Variants in MAGI2 observed in about 807,000 individuals in gnomAD.
MAGI2 encodes the protein membrane associated guanylate kinase, WW and PDZ domain containing 2, also known as membrane-associated guanylate kinase, WW and PDZ domain-containing protein 2.
In MAGI2, 35 loss-of-function variants were observed where a neutral mutation model predicts 133.3. The observed-to-expected ratio is 0.26, with a 90% confidence interval of 0.20 to 0.35. The LOEUF is 0.35. MAGI2 is among the 10% of genes least tolerant of loss of function. MAGI2 has a pLI of 1.00. For synonymous variants in MAGI2, 729 were observed against 710.6 expected, an observed-to-expected ratio of 1.03 and a Z score of -0.41; for missense variants, 1,636 against 1,863.4, an observed-to-expected ratio of 0.88 and a Z score of 2.25.
At chr7:78,104,404 A>G (rs995445840) in intron 20 of MAGI2, among the ~76,000 whole-genome samples, 3 of 151,798 alleles carry the variant, frequency 2.0e-5, no homozygotes, top group Non-Finnish European at 4.4e-5. Context: ...TTGTATTTTT[A>G]GTAGAGATGG....
intron 21 of MAGI2, among the ~76,000 whole-genome samples, chr7:78,053,994 A>G (rs531983257): frequency 6.6e-6 from 1 of 152,266 alleles, no homozygotes; most frequent in Admixed American, 6.5e-5. Context: ...GCTGGATCCA[A>G]TACCACTTTC....
At chr7:79,015,191 A>G (rs1808561977) in intron 1 of MAGI2, among the ~76,000 whole-genome samples, 1 of 152,106 alleles carries the variant, frequency 6.6e-6, no homozygotes. Flanking sequence ...ACGGTGGCTC[A>G]TGCTTGTAAT....
chr7:78,829,784 AT>A (rs1276126944), intron 2 of MAGI2, among the ~76,000 whole-genome samples: 1 of 152,082 alleles, frequency 6.6e-6, no homozygotes, highest in Non-Finnish European at 1.5e-5. Context: ...CAAAAGTTCA[AT>A]TTTTTAGTTC....
intron 1 of MAGI2, among the ~76,000 whole-genome samples, chr7:79,298,165 G>A (rs988236880): frequency 2.6e-5 from 4 of 152,072 alleles, no homozygotes; most frequent in South Asian, 2.1e-4. Context: ...AATATTTGCC[G>A]TATATAATTA....
At chr7:78,413,657 T>G (rs1217980431) in intron 6 of MAGI2, among the ~76,000 whole-genome samples, 3 of 151,882 alleles carry the variant, frequency 2.0e-5, no homozygotes, top group Non-Finnish European at 2.9e-5. Context: ...ATGTGCAGTT[T>G]TGAAAGAGAA....
At chr7:78,282,268 G>A (rs1040894561) in intron 9 of MAGI2, among the ~76,000 whole-genome samples, 9 of 151,912 alleles carry the variant, frequency 5.9e-5, no homozygotes, top group Admixed American at 1.3e-4. Context: ...TCTACCACTC[G>A]GAGTCCCTAT....
chr7:78,319,782 C>A (rs1035469205), intron 9 of MAGI2, among the ~76,000 whole-genome samples: 2 of 152,050 alleles, frequency 1.3e-5, no homozygotes. Context: ...AAGATCAGAG[C>A]AGAACTGAAG....
intron 10 of MAGI2, among the ~76,000 whole-genome samples, chr7:78,249,450 A>G (rs1792148508): frequency 6.6e-6 from 1 of 152,186 alleles, no homozygotes; most frequent in Admixed American, 6.5e-5. Flanking sequence ...CAAGATATGG[A>G]GCCAACCCAA....
intron 6 of MAGI2, among the ~76,000 whole-genome samples, chr7:78,418,526 C>T (rs905402616): frequency 7.2e-5 from 11 of 152,154 alleles, no homozygotes; most frequent in Admixed American, 6.6e-5. Context: ...ACAGTAGCTG[C>T]TAGCACATGT....
intron 1 of MAGI2, among the ~76,000 whole-genome samples, chr7:79,240,771 C>T (rs911429216): frequency 4.0e-5 from 6 of 151,846 alleles, no homozygotes; most frequent in Admixed American, 1.3e-4. Flanking sequence ...GCATTTTCTT[C>T]GACATTTCCC....
intron 10 of MAGI2, among the ~76,000 whole-genome samples, chr7:78,244,621 C>G (rs571959482): frequency 6.6e-6 from 1 of 151,936 alleles, no homozygotes; most frequent in African/African-American, 2.4e-5. Flanking sequence ...AAAAATATAA[C>G]AAAAAGGAAA....
chr7:78,204,457 T>G (rs1829546345), intron 10 of MAGI2, among the ~76,000 whole-genome samples: 1 of 152,176 alleles, frequency 6.6e-6, no homozygotes, highest in Admixed American at 6.5e-5. Context: ...CTTTCTGAGT[T>G]GAGGTAGTCT....
chr7:78,768,088 G>A (rs949434057), intron 2 of MAGI2, among the ~76,000 whole-genome samples: 3 of 152,128 alleles, frequency 2.0e-5, no homozygotes, highest in African/African-American at 7.2e-5. Flanking sequence ...TCTTTTATAT[G>A]TACACATTAT....
At chr7:78,698,505 G>A (rs964497080) in intron 2 of MAGI2, among the ~76,000 whole-genome samples, 6 of 152,152 alleles carry the variant, frequency 3.9e-5, no homozygotes, top group African/African-American at 9.7e-5. Context: ...GGCATGTCAT[G>A]TTTTTCACCA....
intron 6 of MAGI2, among the ~76,000 whole-genome samples, chr7:78,406,542 A>C (rs1035404450): frequency 2.0e-5 from 3 of 152,064 alleles, no homozygotes; most frequent in Non-Finnish European, 4.4e-5. Context: ...GTGATTTATG[A>C]GTTTCCTATG....
intron 9 of MAGI2, among the ~76,000 whole-genome samples, chr7:78,271,419 T>G (rs1165845527): frequency 6.6e-6 from 1 of 152,158 alleles, no homozygotes; most frequent in African/African-American, 2.4e-5. Context: ...AATTTTCTTT[T>G]TTGGTTGTGT....
At chr7:78,191,541 G>A (rs1828213769) in intron 12 of MAGI2, among the ~76,000 whole-genome samples, 1 of 152,210 alleles carries the variant, frequency 6.6e-6, no homozygotes, top group Non-Finnish European at 1.5e-5. Flanking sequence ...GTGCCTTGCA[G>A]AGTTCTAGAC....
intron 5 of MAGI2, among the ~76,000 whole-genome samples, chr7:78,499,051 A>T (rs924923079): frequency 9.3e-6 from 1 of 107,538 alleles, no homozygotes. Context: ...AAAACTACAA[A>T]CTCAAACAAC....
At chr7:79,035,377 C>A (rs79259375) in intron 1 of MAGI2, among the ~76,000 whole-genome samples, 1 of 152,004 alleles carries the variant, frequency 6.6e-6, no homozygotes, top group Non-Finnish European at 1.5e-5. Flanking sequence ...GTGATTCATA[C>A]TATGTGATTG....
Sources: allele counts gnomAD v4.1 joint callset (sites outside exome capture counted in the v4.1 genomes callset), GRCh38; gene constraint gnomAD v4.1.1; transcripts MANE v1.5; gene names NCBI Gene and HGNC (gene_info 2026-07-23, HGNC 2026-07-21).